Variants in TOP2A observed in about 807,000 individuals in gnomAD.
TOP2A encodes DNA topoisomerase II alpha, also known as DNA topoisomerase 2-alpha.
In TOP2A, 68 loss-of-function variants were observed where a neutral mutation model predicts 187.2. The ratio of observed to expected loss-of-function variants is 0.36; its 90% CI spans 0.30 to 0.44. TOP2A has a LOEUF of 0.44. Ranked by LOEUF, TOP2A falls within the 20% of genes least tolerant of loss-of-function variation. The pLI is 1.00. For missense variants in TOP2A, 1,196 were observed against 1,808.7 expected, an observed-to-expected ratio of 0.66 and a Z score of 6.14; for synonymous variants, 542 against 593.2, an observed-to-expected ratio of 0.91 and a Z score of 1.25.
intron 13 of TOP2A, among the ~76,000 whole-genome samples, 166 bp from the exon 14 acceptor site, chr17:40,407,108 AC>A (rs2035257803): frequency 6.6e-6 from 1 of 152,180 alleles, no homozygotes; most frequent in South Asian, 2.1e-4. Context: ...CACTAAAAAT[AC>A]AAAAATTAGT....
chr17:40,412,854 C>G lies in TOP2A; in HGVS notation c.694G>C (p.Asp232His). The stretch of plus-strand genomic sequence containing the variant: ...ACCATTAGTGCAACAATATCTTTGT[C>G]CAGGCTTTGCATTTTAAACTTAGAC... ...DLSKFKMQSL[D>H]KDIVALMVRR... Residue 232 changes from aspartate (D) to histidine (H), a missense_variant, in exon 7 of 35, where the codon GAC (aspartate) becomes CAC (histidine). Transcript: ENST00000423485. The G allele has an allele frequency of 6.2e-7, 1 of 1,613,910 alleles. No homozygotes were observed. The highest frequency in any genetic ancestry group is 8.5e-7 in the Non-Finnish European group (1 of 1,179,860).
chr17:40,417,587 A>T (rs1014715763), intron 1 of TOP2A, 184 bp downstream of exon 1: 3 of 1,452,060 alleles, frequency 2.1e-6, no homozygotes, highest in Admixed American at 5.1e-5. Context: ...GTCATACTTC[A>T]CTACTAGCAC....
At chr17:40,415,088 T>C (rs566637920) in intron 4 of TOP2A, among the ~76,000 whole-genome samples, 68 of 151,086 alleles carry the variant, frequency 4.5e-4, no homozygotes, top group African/African-American at 1.5e-3. Context: ...AGAGTCTTGC[T>C]GTGTCACCCA....
intron 24 of TOP2A, among the ~76,000 whole-genome samples, chr17:40,399,514 T>C (rs1272995504): frequency 6.6e-6 from 1 of 152,126 alleles, no homozygotes; most frequent in Non-Finnish European, 1.5e-5. Flanking sequence ...GCCTTTTTTT[T>C]TTTTTACCAT....
intron 18 of TOP2A, 30 bp downstream of exon 18, chr17:40,404,347 A>G: frequency 6.2e-7 from 1 of 1,606,286 alleles, no homozygotes; most frequent in Non-Finnish European, 8.5e-7. Context: ...CCATCTTACA[A>G]TGAAAACAGA....
intron 17 of TOP2A, 64 bp downstream of exon 17, chr17:40,404,727 A>T: frequency 9.3e-7 from 1 of 1,073,446 alleles, no homozygotes; most frequent in Non-Finnish European, 1.4e-6. Context: ...TTAATTTGCT[A>T]TAGTATCAAT....
Position 40,413,603 on chromosome 17 carries a change from A to G in TOP2A, c.355T>C (p.Trp119Arg). The change falls in exon 5 of 35, where the codon TGG becomes CGG. Residue 119 changes from tryptophan to arginine, a missense_variant. Trp to Arg is a moderately radical substitution (Grantham distance 101). Around this residue, in one of 10 missense-constraint regions of TOP2A, gnomAD observed 97 missense variants for 171.0 expected, o/e 0.57. Coordinates refer to ENST00000423485, the MANE Select transcript of TOP2A (RefSeq NM_001067.4). ...IDPENNLISI[W>R]NNGKGIPVVE... Reference sequence around the variant, plus strand: ...ACAGGAATACCTTTTCCATTATTCCATATACTAATTAAATTGTTTTCCCTA... The same window carrying G: ...ACAGGAATACCTTTTCCATTATTCCGTATACTAATTAAATTGTTTTCCCTA... 1 of 1,416,418 alleles carries G rather than the reference A, an allele frequency of 7.1e-7. No homozygotes were observed. The highest frequency in any genetic ancestry group is 9.6e-7 in the Non-Finnish European group (1 of 1,044,700). The allele number at this position is 1,416,418 out of a possible 1,614,324, so 87.7% of individuals were successfully genotyped here. A position where few individuals can be genotyped will look rare whatever the true frequency, so the allele number is the denominator to read the frequency against.
At chr17:40,397,886 C>A (rs887715194) in intron 27 of TOP2A, among the ~76,000 whole-genome samples, 1 of 146,930 alleles carries the variant, frequency 6.8e-6, no homozygotes, top group Non-Finnish European at 1.5e-5. Context: ...TCAAGTGATT[C>A]TCCTGCCTCA....
Position 40,406,575 on chromosome 17 carries a change from A to G in TOP2A, c.1843+9T>C. The G allele has an allele frequency of 6.2e-7, 1 of 1,608,740 alleles. No individual in the cohort carries two copies. On this transcript the variant is annotated intron_variant, in intron 15 of 34. Transcript: ENST00000423485. ...AAATGAGAAGTTCTATATGGGTTTC[A>G]TTACAAACCTTTGTAATATTTGACT... is the stretch of plus-strand genomic sequence containing the variant.
intron 19 of TOP2A, among the ~76,000 whole-genome samples, chr17:40,403,281 T>G (rs887204606): frequency 1.3e-5 from 2 of 152,224 alleles, no homozygotes; most frequent in African/African-American, 4.8e-5. Context: ...GAAGGCATAG[T>G]TCTTCTCCTT....
chr17:40,416,473 T>G lies in TOP2A; in HGVS notation c.217A>C (p.Arg73=). 6.2e-7 allele frequency: 1 copy of G among 1,605,510 alleles called. No individual in the cohort carries two copies. The highest frequency in any genetic ancestry group is 1.1e-5 in the South Asian group (1 of 89,706). ...VYDEDVGINY[R]EVTFVPGLYK... is the part of the protein sequence containing the mutation. Reference sequence around the variant, plus strand: ...AAACCAGGAACAAAAGTGACTTCCCTATAGTTAATGCCAACATCTTCATCG... The same window carrying G: ...AAACCAGGAACAAAAGTGACTTCCCGATAGTTAATGCCAACATCTTCATCG... Residue 73 remains arginine, a synonymous_variant, in exon 3 of 35, where the codon AGG becomes CGG. Coordinates refer to ENST00000423485, the MANE Select transcript of TOP2A (RefSeq NM_001067.4).
intron 30 of TOP2A, 29 bp downstream of exon 30, chr17:40,392,556 T>C (rs1567781061): frequency 1.3e-6 from 2 of 1,592,406 alleles, no homozygotes; most frequent in Middle Eastern, 1.7e-4. Flanking sequence ...TCTTACAGTT[T>C]ATCTATAATG....
rs1017294009 is a variant in TOP2A, at chr17:40,388,605, A to G, written c.*914T>C. 5.4e-6 allele frequency: 1 copy of G among 183,894 alleles called. No homozygotes were observed. The highest frequency in any genetic ancestry group is 1.2e-5 in the Non-Finnish European group (1 of 86,674). 11.4% of individuals were successfully genotyped at this position (183,894 alleles called of 1,614,324 possible). A position where few individuals can be genotyped will look rare whatever the true frequency, so the allele number is the denominator to read the frequency against. On this transcript the variant is annotated 3_prime_UTR_variant, in exon 35 of 35. Coordinates refer to ENST00000423485, the MANE Select transcript of TOP2A (RefSeq NM_001067.4). ...GAAAAACATAGTAAATATTTACAAA[A>G]ACGTTGATAACATTACTCAAGTCAC...
chr17:40,405,481 GTC>G (rs2035229990), intron 16 of TOP2A, among the ~76,000 whole-genome samples: 2 of 131,994 alleles, frequency 1.5e-5, no homozygotes, highest in South Asian at 4.7e-4. Flanking sequence ...TTGAGACAGA[GTC>G]TCGCTCTGTC....
chr17:40,396,072 C>T (rs185286099), intron 28 of TOP2A, among the ~76,000 whole-genome samples: 86 of 151,414 alleles, frequency 5.7e-4, no homozygotes, highest in Admixed American at 5.5e-3. Context: ...CTCTGCCTCC[C>T]GGGTTCAAGC....
At position 40,392,318 on chromosome 17, in the gene TOP2A, A is replaced by G. The variant is rs1448701877; in HGVS notation, c.3988T>C (p.Leu1330=). 3.1e-6 allele frequency: 5 copies of G among 1,595,876 alleles called. No individual in the cohort carries two copies. Among genetic ancestry groups the G allele is most frequent in the African/African-American group, 1.3e-5 (1 of 74,632 alleles). Residue 1330 remains leucine (L), a synonymous_variant, in exon 31 of 35, where the codon TTG becomes CTG. Coordinates refer to ENST00000423485, the MANE Select transcript of TOP2A (RefSeq NM_001067.4). The part of the protein sequence containing the change: ...AATKTKFTMD[L]DSDEDFSDFD... ...TCTGAGAAATCTTCATCTGAATCCA[A>G]ATCCATTGTGAATTTTGTTTTTGCT...
chr17:40,399,837 A>G (rs933462783), intron 24 of TOP2A, 35 bp downstream of exon 24: 13 of 1,532,708 alleles, frequency 8.5e-6, no homozygotes, highest in South Asian at 1.3e-5. Context: ...GCGTAACTAG[A>G]GTTTTAGTAA....
Position 40,408,615 on chromosome 17 carries a change from T to C in TOP2A, c.1219A>G (p.Ile407Val), listed in dbSNP as rs2035277290. 1 of 1,613,858 alleles carries C rather than the reference T, an allele frequency of 6.2e-7. No individual in the cohort carries two copies. Among genetic ancestry groups the C allele is most frequent in the East Asian group, 2.2e-5 (1 of 44,858 alleles). Reference protein sequence around the residue: ...KFIKAAIGCGIVESILNWVKF... With the variant: ...KFIKAAIGCGVVESILNWVKF... ...ACCCAGTTTAGTATGCTTTCTACAA[T>C]ACCACAGCCAATGGCCTGAAAACGA... The change falls in exon 11 of 35, where the codon ATT becomes GTT. Residue 407 changes from isoleucine (I) to valine (V), a missense_variant. Transcript: ENST00000423485.
At position 40,416,703 on chromosome 17, in the gene TOP2A, C is replaced by T. The variant is rs771202399; in HGVS notation, c.177+37G>A. ...ACAGAAAGAAGAGTATCCATTTCAA[C>T]TACTAGGTTAACTGCCTTTGATGAG... On this transcript the variant is annotated intron_variant, in intron 2 of 34. Coordinates refer to ENST00000423485, the MANE Select transcript of TOP2A (RefSeq NM_001067.4). 23 of 1,596,014 alleles carry T rather than the reference C, an allele frequency of 1.4e-5. No individual in the cohort carries two copies. The African/African-American group carries it at 2.6e-4, about 18-fold the overall frequency.
Sources: allele counts gnomAD v4.1 joint callset (sites outside exome capture counted in the v4.1 genomes callset), GRCh38; gene constraint gnomAD v4.1.1; regional missense constraint gnomAD v4.1.1; transcripts MANE v1.5; gene names NCBI Gene and HGNC (gene_info 2026-07-23, HGNC 2026-07-21).